The following DOCK1 variants were observed in gnomAD, a reference collection of about 807,000 sequenced individuals.
The protein encoded by DOCK1 is dedicator of cytokinesis 1.
In DOCK1, 138 loss-of-function variants were observed where a neutral mutation model predicts 262.7. That is an observed-to-expected ratio of 0.53 (90% CI 0.46 to 0.61). The LOEUF (loss-of-function observed/expected upper bound fraction) is 0.61. Among genes scored for constraint, DOCK1 ranks in the 20% least tolerant of loss-of-function variants. The probability of loss-of-function intolerance (pLI) is 0.00; values close to 1 mark genes in which losing one functional copy is unlikely to be tolerated. For synonymous variants in DOCK1, 866 were observed against 867.4 expected (o/e 1.00, Z 0.03); for missense variants, 1,908 against 2,370.7 (o/e 0.80, Z 4.05).
intron 1 of DOCK1, among the ~76,000 whole-genome samples, chr10:126,950,575 G>A (rs1372370927): frequency 6.6e-6 from 1 of 152,068 alleles, no homozygotes; most frequent in Non-Finnish European, 1.5e-5. Context: ...GCAGAGAGAG[G>A]GACTCTGCAG....
intron 29 of DOCK1, among the ~76,000 whole-genome samples, chr10:127,291,933 C>T (rs1404877163): frequency 8.5e-5 from 13 of 152,188 alleles, no homozygotes; most frequent in Admixed American, 8.5e-4. Flanking sequence ...TCACAGAGTG[C>T]CTCCTGACCC....
chr10:127,322,193 T>C (rs1278817962), intron 29 of DOCK1, among the ~76,000 whole-genome samples: 119 of 148,796 alleles, frequency 8.0e-4, no homozygotes, highest in Admixed American at 2.0e-3. Flanking sequence ...TTCCCTTTTT[T>C]TTTTTTTTTT....
intron 27 of DOCK1, among the ~76,000 whole-genome samples, chr10:127,133,523 G>A (rs1019852411): frequency 7.2e-5 from 11 of 152,110 alleles, no homozygotes; most frequent in Admixed American, 5.9e-4. Context: ...GGTTTTATAA[G>A]TTCATTTTTC....
intron 21 of DOCK1, among the ~76,000 whole-genome samples, chr10:127,052,441 T>C (rs1401625705): frequency 6.6e-6 from 1 of 151,774 alleles, no homozygotes; most frequent in Non-Finnish European, 1.5e-5. Context: ...GGAGAATCAC[T>C]TGAGCCCGGA....
chr10:127,369,440 G>C (rs2065093143), intron 33 of DOCK1, among the ~76,000 whole-genome samples: 1 of 152,154 alleles, frequency 6.6e-6, no homozygotes, highest in Admixed American at 6.5e-5. Context: ...CGATTATATT[G>C]AATTTCATTC....
chr10:127,398,970 G>T (rs183234308), intron 38 of DOCK1, among the ~76,000 whole-genome samples: 100 of 152,266 alleles, frequency 6.6e-4, no homozygotes, highest in Non-Finnish European at 1.0e-3. Flanking sequence ...TATTATAAAA[G>T]AAAATTTTTA....
chr10:127,207,560 A>T (rs1375782707), intron 27 of DOCK1, among the ~76,000 whole-genome samples: 1 of 152,216 alleles, frequency 6.6e-6, no homozygotes, highest in Non-Finnish European at 1.5e-5. Context: ...GAGAACATGG[A>T]CAATTCTCAC....
chr10:127,071,030 C>T (rs537474921), intron 23 of DOCK1, among the ~76,000 whole-genome samples: 32 of 152,130 alleles, frequency 2.1e-4, no homozygotes, highest in African/African-American at 7.7e-4. Context: ...GATAAGTTTG[C>T]CCTACACACA....
intron 1 of DOCK1, among the ~76,000 whole-genome samples, chr10:126,934,007 A>T (rs2034371908): frequency 6.6e-6 from 1 of 152,006 alleles, no homozygotes. Flanking sequence ...AGTAGAGATG[A>T]GGTTTTGCCA....
chr10:127,420,260 C>T (rs1442649736), intron 46 of DOCK1, among the ~76,000 whole-genome samples: 1 of 152,148 alleles, frequency 6.6e-6, no homozygotes, highest in African/African-American at 2.4e-5. Context: ...ACTTATGCTC[C>T]TGGGGCCTCG....
chr10:127,262,183 T>G (rs958239717), intron 29 of DOCK1, among the ~76,000 whole-genome samples: 2 of 145,650 alleles, frequency 1.4e-5, no homozygotes, highest in East Asian at 4.1e-4. Context: ...GGTGTGTGTG[T>G]GTGTGTACCC....
At chr10:127,048,102 A>G (rs879505616) in intron 21 of DOCK1, among the ~76,000 whole-genome samples, 4 of 152,234 alleles carry the variant, frequency 2.6e-5, no homozygotes, top group Non-Finnish European at 4.4e-5. Flanking sequence ...AGTTCTCCAA[A>G]AGGGTTGTAC....
intron 14 of DOCK1, among the ~76,000 whole-genome samples, chr10:127,024,479 G>A (rs2042682690): frequency 6.6e-6 from 1 of 152,146 alleles, no homozygotes; most frequent in Non-Finnish European, 1.5e-5. Flanking sequence ...TAACCATCAA[G>A]ATCTTCAATG....
chr10:127,159,667 C>T (rs753941358), intron 27 of DOCK1, among the ~76,000 whole-genome samples: 25 of 152,200 alleles, frequency 1.6e-4, no homozygotes, highest in Non-Finnish European at 2.9e-4. Flanking sequence ...TTGGGGTATA[C>T]GTGTTTTCAG....
Position 126,970,685 on chromosome 10 carries a change from C to T in DOCK1, c.47-17C>T. ...ATCTTTACTATTACTAATATATTTC[C>T]CCTTTTTTCATCACAGCTTTTTATA... On this transcript the variant is annotated splice_polypyrimidine_tract_variant and intron_variant, in intron 1 of 51. Transcript: ENST00000623213. 6.3e-7 allele frequency: 1 copy of T among 1,588,560 alleles called. No individual in the cohort carries two copies.
Position 127,277,587 on chromosome 10 carries a change from G to A in DOCK1, c.3044+20158G>A, listed in dbSNP as rs544770106. Among the ~76,000 whole-genome samples the A allele has an allele frequency of 6.6e-5, 10 of 152,172 alleles. No homozygotes were observed. In the South Asian group the frequency reaches 1.0e-3, roughly 16 times the overall value. ...AGGCTGACCAATATGGTGAAACCTC[G>A]TCTCTACTAAAAAATACAAAAAATT... On this transcript the variant is annotated intron_variant, in intron 29 of 51. Transcript: ENST00000623213.
chr10:126,996,690 A>G, intron 6 of DOCK1, 58 bp from the exon 7 acceptor site: 1 of 1,496,720 alleles, frequency 6.7e-7, no homozygotes. Context: ...AAGTTGTGCT[A>G]GAAAATTCAG....
chr10:127,188,053 A>T (rs2056440512), intron 27 of DOCK1, among the ~76,000 whole-genome samples: 1 of 152,212 alleles, frequency 6.6e-6, no homozygotes, highest in East Asian at 1.9e-4. Context: ...CGAAGGGCTT[A>T]ATGAATGAGT....
intron 23 of DOCK1, among the ~76,000 whole-genome samples, chr10:127,098,142 A>C (rs1446273031): frequency 1.3e-5 from 2 of 152,268 alleles, no homozygotes; most frequent in African/African-American, 2.4e-5. Flanking sequence ...CCTCTCACCC[A>C]CAATTCAAAA....
Sources: gnomAD v4.1 joint callset for allele counts (sites outside exome capture counted in the v4.1 genomes callset) on GRCh38, gnomAD v4.1.1 for gene constraint, MANE v1.5 for transcripts, NCBI Gene and HGNC (gene_info 2026-07-23, HGNC 2026-07-21) for gene names.